ASTN2: variants seen among roughly 807,000 people sequenced by gnomAD.
ASTN2 encodes the protein astrotactin 2, also known as astrotactin-2.
Under a neutral mutation model 139.8 loss-of-function variants are expected in ASTN2, and 54 were observed. That is an observed-to-expected ratio of 0.39 (90% CI 0.31 to 0.48). ASTN2 has a LOEUF of 0.48. Among genes scored for constraint, ASTN2 ranks in the 20% least tolerant of loss-of-function variants. The probability of loss-of-function intolerance (pLI) is 0.95; values close to 1 mark genes in which losing one functional copy is unlikely to be tolerated. For missense variants in ASTN2, 1,565 were observed against 1,725.1 expected, an observed-to-expected ratio of 0.91 and a Z score of 1.64; for synonymous variants, 756 against 719.5, an observed-to-expected ratio of 1.05 and a Z score of -0.81.
intron 6 of ASTN2, among the ~76,000 whole-genome samples, chr9:117,030,601 T>G (rs1172037256): frequency 6.6e-6 from 1 of 152,154 alleles, no homozygotes; most frequent in Non-Finnish European, 1.5e-5. Flanking sequence ...AGCTTGAACA[T>G]GTTCAGCTGC....
intron 13 of ASTN2, among the ~76,000 whole-genome samples, chr9:116,793,311 A>G (rs1281417004): frequency 6.6e-6 from 1 of 152,220 alleles, no homozygotes; most frequent in Non-Finnish European, 1.5e-5. Context: ...GGAGTGGTTA[A>G]TAATTATATG....
chr9:117,050,803 T>C (rs967240131), intron 5 of ASTN2, among the ~76,000 whole-genome samples: 4 of 152,152 alleles, frequency 2.6e-5, no homozygotes, highest in Non-Finnish European at 5.9e-5. Flanking sequence ...TTCCTGACAG[T>C]GACACTGTGT....
intron 7 of ASTN2, among the ~76,000 whole-genome samples, chr9:116,984,057 C>T (rs1040106915): frequency 1.3e-5 from 2 of 152,192 alleles, no homozygotes; most frequent in Admixed American, 6.5e-5. Flanking sequence ...AGTAATGGTA[C>T]CAGTTTCTTT....
intron 10 of ASTN2, among the ~76,000 whole-genome samples, chr9:116,905,659 A>G (rs185590467): frequency 1.0e-3 from 157 of 152,316 alleles, no homozygotes; most frequent in African/African-American, 3.6e-3. Flanking sequence ...TATATATTAA[A>G]GTAACAAGAC....
chr9:116,687,006 T>C (rs974039201), intron 16 of ASTN2: 1 of 1,411,008 alleles, frequency 7.1e-7, no homozygotes, highest in Non-Finnish European at 9.2e-7. Flanking sequence ...TACCGTTTTG[T>C]GAAGGGGTAG....
chr9:116,562,931 C>T (rs760927812), intron 19 of ASTN2, among the ~76,000 whole-genome samples: 7 of 152,000 alleles, frequency 4.6e-5, no homozygotes, highest in Admixed American at 6.6e-5. Flanking sequence ...TATGCTTGGT[C>T]TTAAAGACAC....
chr9:117,279,023 G>C (rs907425354), intron 2 of ASTN2, among the ~76,000 whole-genome samples: 3 of 152,206 alleles, frequency 2.0e-5, no homozygotes, highest in African/African-American at 7.2e-5. Context: ...TATTAAAGGG[G>C]TTGAACTGGA....
chr9:116,942,710 T>A (rs750207686), intron 10 of ASTN2, among the ~76,000 whole-genome samples: 5 of 152,162 alleles, frequency 3.3e-5, no homozygotes, highest in Non-Finnish European at 5.9e-5. Context: ...TAGCCAGAAA[T>A]AAGTGGTGTG....
chr9:117,152,828 A>G (rs1263747172), intron 3 of ASTN2, among the ~76,000 whole-genome samples: 1 of 152,164 alleles, frequency 6.6e-6, no homozygotes, highest in African/African-American at 2.4e-5. Context: ...ATTCATCTAA[A>G]TGTACCATTC....
intron 13 of ASTN2, among the ~76,000 whole-genome samples, chr9:116,738,394 G>A (rs140329667): frequency 0.012 from 1,835 of 151,912 alleles, 46 homozygotes; most frequent in African/African-American, 0.042. Context: ...CCAGCTACTC[G>A]GGAGGCTGAG....
At chr9:116,538,701 T>A (rs1851750674) in intron 19 of ASTN2, among the ~76,000 whole-genome samples, 1 of 152,222 alleles carries the variant, frequency 6.6e-6, no homozygotes, top group African/African-American at 2.4e-5. Flanking sequence ...TGCCTTTGAA[T>A]ATGTCTGAAA....
intron 13 of ASTN2, among the ~76,000 whole-genome samples, chr9:116,751,923 C>T (rs1200275125): frequency 6.6e-6 from 1 of 152,072 alleles, no homozygotes; most frequent in African/African-American, 2.4e-5. Flanking sequence ...CAGTTCTTTC[C>T]AACTTGATCT....
In ASTN2 at chr9:117,404,645, T is replaced by C. The variant is rs189284499; in HGVS notation, c.442+9852A>G. 3.3e-5 allele frequency among the ~76,000 whole-genome samples: 5 copies of C among 152,224 alleles called. No homozygotes were observed. In the East Asian group the frequency reaches 7.7e-4, roughly 24 times the overall value. ...GCTAAGGAGTACTGAGTGGAAAAAT[T>C]TGACAAGGTTGAGCAGGAGTGAGAA... On this transcript the variant is annotated intron_variant, in intron 1 of 22. Transcript: ENST00000313400.
At chr9:116,904,698 C>T (rs1355182768) in intron 10 of ASTN2, among the ~76,000 whole-genome samples, 2 of 152,216 alleles carry the variant, frequency 1.3e-5, no homozygotes, top group African/African-American at 4.8e-5. Context: ...TATTAATCCA[C>T]CTGTTGAATG....
intron 2 of ASTN2, among the ~76,000 whole-genome samples, chr9:117,280,956 G>A (rs910498627): frequency 2.0e-5 from 3 of 152,090 alleles, no homozygotes; most frequent in African/African-American, 7.2e-5. Context: ...GTGATTTTCT[G>A]TTTCCCTCTT....
intron 4 of ASTN2, among the ~76,000 whole-genome samples, chr9:117,118,847 C>T (rs1829469720): frequency 6.6e-6 from 1 of 152,154 alleles, no homozygotes; most frequent in Non-Finnish European, 1.5e-5. Context: ...GGTCTCTGTG[C>T]AACTGTCACC....
chr9:116,805,682 G>A lies in ASTN2; in HGVS notation c.2346C>T (p.Asn782=). ...TLFGEMLHGY[N]NRTQHVNQGQ... ...CTTGGTTCACATGCTGGGTCCGGTT[G>A]TTGTAACCATGTAGCATCTCTCCAA... Residue 782 remains asparagine (N), a synonymous_variant, in exon 13 of 23, where the codon AAC becomes AAT. Transcript: ENST00000313400. 1.9e-6 allele frequency: 3 copies of A among 1,613,942 alleles called. No individual in the cohort carries two copies. The highest frequency in any genetic ancestry group is 2.5e-6 in the Non-Finnish European group (3 of 1,179,846).
At chr9:117,271,836 AC>A (rs1268804331) in intron 2 of ASTN2, among the ~76,000 whole-genome samples, 12 of 152,164 alleles carry the variant, frequency 7.9e-5, no homozygotes, top group African/African-American at 2.9e-4. Flanking sequence ...GGGCAGCTCC[AC>A]CCCTGTGGCT....
At chr9:117,092,977 G>C (rs1176567970) in intron 5 of ASTN2, among the ~76,000 whole-genome samples, 1 of 152,146 alleles carries the variant, frequency 6.6e-6, no homozygotes, top group African/African-American at 2.4e-5. Flanking sequence ...ACAGGAAAGG[G>C]GAGTGGCACT....
Sources: gnomAD v4.1 joint callset for allele counts (sites outside exome capture counted in the v4.1 genomes callset) on GRCh38, gnomAD v4.1.1 for gene constraint, MANE v1.5 for transcripts, NCBI Gene and HGNC (gene_info 2026-07-23, HGNC 2026-07-21) for gene names.